The following ZMYND8 variants were observed in gnomAD, a reference collection of about 807,000 sequenced individuals.
ZMYND8 encodes MYND-type zinc finger-containing chromatin reader ZMYND8.
ZMYND8 carries 37 observed loss-of-function variants against 140.8 expected under a neutral mutation model. The ratio of observed to expected loss-of-function variants is 0.26; its 90% CI spans 0.20 to 0.35. ZMYND8 has a LOEUF of 0.35. ZMYND8 is among the 10% of genes least tolerant of loss of function. ZMYND8 has a pLI of 1.00. For missense variants in ZMYND8, 1,068 were observed against 1,570.0 expected (o/e 0.68, Z 5.40); for synonymous variants, 592 against 597.1 (o/e 0.99, Z 0.12).
intron 12 of ZMYND8, among the ~76,000 whole-genome samples, chr20:47,257,215 AG>A (rs1282817626): frequency 6.6e-6 from 1 of 152,122 alleles, no homozygotes; most frequent in Non-Finnish European, 1.5e-5. Flanking sequence ...GGCAAGAACC[AG>A]GTCTCTGTAC....
intron 2 of ZMYND8, among the ~76,000 whole-genome samples, chr20:47,345,538 C>T (rs1362913013): frequency 6.7e-6 from 1 of 149,314 alleles, no homozygotes; most frequent in African/African-American, 2.5e-5. Flanking sequence ...GACGGAGTCT[C>T]GCTCTGTCCC....
intron 2 of ZMYND8, among the ~76,000 whole-genome samples, chr20:47,333,041 G>GTT (rs2081077886): frequency 6.6e-6 from 1 of 152,122 alleles, no homozygotes; most frequent in Non-Finnish European, 1.5e-5. Context: ...CCCATAAAAT[G>GTT]TAAGTACCAG....
intron 2 of ZMYND8, among the ~76,000 whole-genome samples, chr20:47,324,813 T>C (rs908268232): frequency 6.6e-6 from 1 of 152,232 alleles, no homozygotes; most frequent in African/African-American, 2.4e-5. Flanking sequence ...AGGCCTTCTC[T>C]GACCACCCCA....
At chr20:47,229,855 T>C (rs372339712) in intron 16 of ZMYND8, 49 bp from the exon 17 acceptor site, 209 of 1,514,256 alleles carry the variant, frequency 1.4e-4, no homozygotes, top group African/African-American at 5.0e-4. Flanking sequence ...CTTGGAGGCT[T>C]TTCCTGGTGA....
At chr20:47,293,548 G>A (rs2077439621) in intron 5 of ZMYND8, among the ~76,000 whole-genome samples, 1 of 152,164 alleles carries the variant, frequency 6.6e-6, no homozygotes, top group African/African-American at 2.4e-5. Flanking sequence ...ACCCTCTACA[G>A]AAAAGTCACT....
intron 5 of ZMYND8, among the ~76,000 whole-genome samples, chr20:47,293,443 C>T (rs2077431709): frequency 6.6e-6 from 1 of 152,196 alleles, no homozygotes; most frequent in Non-Finnish European, 1.5e-5. Context: ...AGGTACACAA[C>T]TGGCCAACCC....
At chr20:47,269,820 C>T (rs912252049) in intron 11 of ZMYND8, among the ~76,000 whole-genome samples, 1 of 152,222 alleles carries the variant, frequency 6.6e-6, no homozygotes, top group African/African-American at 2.4e-5. Context: ...AAGTGCCGCA[C>T]CTTGCACAAC....
chr20:47,294,177 A>G (rs6012149), intron 5 of ZMYND8, among the ~76,000 whole-genome samples: 100,715 of 151,102 alleles, frequency 0.67, 35,219 homozygotes, highest in African/African-American at 0.9. Flanking sequence ...GTGAAACCCC[A>G]TCTCTACTAA....
intron 7 of ZMYND8, among the ~76,000 whole-genome samples, chr20:47,288,885 T>C (rs775194006): frequency 7.2e-5 from 11 of 152,150 alleles, no homozygotes; most frequent in Non-Finnish European, 1.6e-4. Context: ...GCAAATCACT[T>C]GAGGTCAGGA....
intron 19 of ZMYND8, 151 bp downstream of exon 19, chr20:47,224,166 T>C (rs774097162): frequency 1.3e-5 from 17 of 1,304,318 alleles, no homozygotes; most frequent in Non-Finnish European, 1.8e-5. Flanking sequence ...ACTGCTCACC[T>C]GTGTGTAAGA....
intron 10 of ZMYND8, among the ~76,000 whole-genome samples, chr20:47,280,798 C>A (rs146039959): frequency 5.3e-5 from 8 of 152,280 alleles, no homozygotes; most frequent in Non-Finnish European, 8.8e-5. Context: ...CTGCCTACCC[C>A]TCTGACTCCA....
chr20:47,262,586 T>A (rs1056884836), intron 11 of ZMYND8, among the ~76,000 whole-genome samples, 158 bp from the exon 12 acceptor site: 2 of 152,038 alleles, frequency 1.3e-5, no homozygotes, highest in African/African-American at 4.8e-5. Context: ...GCATAGCAGG[T>A]TGGCCATTTA....
chr20:47,342,255 C>A (rs2081955687), intron 2 of ZMYND8, among the ~76,000 whole-genome samples: 1 of 151,970 alleles, frequency 6.6e-6, no homozygotes, highest in Non-Finnish European at 1.5e-5. Context: ...ATAAAAGAAA[C>A]CAGGATCCTC....
Position 47,346,613 on chromosome 20 carries a change from C to CT in ZMYND8, c.85+1242dup, listed in dbSNP as rs371610372. Among the ~76,000 whole-genome samples, 52 of 147,772 alleles carry CT rather than the reference C, an allele frequency of 3.5e-4. 1 individual carries two copies. The highest frequency in any genetic ancestry group is 2.6e-3 in the South Asian group (12 of 4,676). On this transcript the variant is annotated intron_variant, in intron 2 of 22. Transcript: ENST00000471951. ...ACTTTGCCCCAAAATGACATACTGT[C>CT]TTTTTTTTTTTGAGATGGAGTCTTG...
intron 16 of ZMYND8, among the ~76,000 whole-genome samples, chr20:47,232,906 GTT>G (rs758568932): frequency 1.4e-3 from 177 of 123,402 alleles, no homozygotes; most frequent in African/African-American, 4.4e-3. Context: ...TGTTTTTTTT[GTT>G]TTTTTTTTTT....
chr20:47,245,084 A>C lies in ZMYND8; in HGVS notation c.2284+924T>G, dbSNP rs184978509. Among the ~76,000 whole-genome samples, 36 of 152,180 alleles carry C rather than the reference A, an allele frequency of 2.4e-4. 1 individual carries two copies. The highest frequency in any genetic ancestry group is 2.1e-3 in the Admixed American group (32 of 15,282). On this transcript the variant is annotated intron_variant, in intron 14 of 22. Coordinates refer to ENST00000471951, the MANE Select transcript of ZMYND8 (RefSeq NM_001281775.3). ...CCCCCCTCCCCAAAAAAGCCAATACACATATCCACCATACTCCATTTTCTA... is the reference window on the plus strand; with the variant it reads ...CCCCCCTCCCCAAAAAAGCCAATACCCATATCCACCATACTCCATTTTCTA...
chr20:47,307,518 G>A (rs2078587004), intron 3 of ZMYND8, among the ~76,000 whole-genome samples: 1 of 152,120 alleles, frequency 6.6e-6, no homozygotes, highest in Non-Finnish European at 1.5e-5. Flanking sequence ...TCAGGAGGCT[G>A]AGGCAGAAGG....
chr20:47,349,664 AG>A (rs1304502386), intron 1 of ZMYND8, among the ~76,000 whole-genome samples: 1 of 152,226 alleles, frequency 6.6e-6, no homozygotes, highest in Non-Finnish European at 1.5e-5. Flanking sequence ...TTAACTTCAA[AG>A]GAACAAATAG....
At chr20:47,348,205 T>G (rs1258364813) in intron 1 of ZMYND8, 1 of 447,460 alleles carries the variant, frequency 2.2e-6, no homozygotes, top group Non-Finnish European at 4.1e-6. Context: ...GACACACAAT[T>G]ACAACCTACC....
Sources: gnomAD v4.1 joint callset for allele counts (sites outside exome capture counted in the v4.1 genomes callset) on GRCh38, gnomAD v4.1.1 for gene constraint, MANE v1.5 for transcripts, NCBI Gene and HGNC (gene_info 2026-07-23, HGNC 2026-07-21) for gene names.